The following TENM2 variants were observed in gnomAD, a reference collection of about 807,000 sequenced individuals.
The protein encoded by TENM2 is teneurin-2.
In TENM2, 52 loss-of-function variants were observed where a neutral mutation model predicts 245.2. The observed-to-expected ratio is 0.21, with a 90% confidence interval of 0.17 to 0.27. TENM2 has a LOEUF of 0.27. Among genes scored for constraint, TENM2 ranks in the 10% least tolerant of loss-of-function variants. The pLI, the probability that TENM2 is intolerant of heterozygous loss-of-function variation, is 1.00. For synonymous variants in TENM2, 1,363 were observed against 1,438.9 expected (o/e 0.95, Z 1.19); for missense variants, 3,046 against 3,666.8 (o/e 0.83, Z 4.37).
intron 2 of TENM2, among the ~76,000 whole-genome samples, chr5:167,667,905 G>A (rs958285196): frequency 6.6e-6 from 1 of 152,166 alleles, no homozygotes; most frequent in Non-Finnish European, 1.5e-5. Flanking sequence ...GATATGGCCA[G>A]CAGCCTCCTA....
intron 2 of TENM2, among the ~76,000 whole-genome samples, chr5:167,505,920 C>T (rs1182267314): frequency 2.0e-5 from 3 of 152,114 alleles, no homozygotes; most frequent in Admixed American, 6.6e-5. Context: ...GTGGTTCACA[C>T]CTGTAATCCA....
exon 14 of TENM2, chr5:168,190,431 C>G: frequency 1.2e-6 from 2 of 1,614,010 alleles, no homozygotes; most frequent in Non-Finnish European, 1.7e-6. Flanking sequence ...CACTGGACAT[C>G]ATTCAGCAGG....
At chr5:167,418,238 A>T (rs1763279890) in intron 2 of TENM2, among the ~76,000 whole-genome samples, 1 of 151,740 alleles carries the variant, frequency 6.6e-6, no homozygotes, top group African/African-American at 2.4e-5. Flanking sequence ...CTGAGGCGGG[A>T]GAATTGCTTG....
At chr5:167,243,530 T>C in the TENM2 span, among the ~76,000 whole-genome samples, 1 of 152,154 alleles carries the variant, frequency 6.6e-6, no homozygotes, top group African/African-American at 2.4e-5. Context: ...AGTGAGTTGG[T>C]GGGCTGCGTG....
chr5:167,287,373 A>T (rs1754350769), intron 1 of TENM2: 1 of 152,228 alleles, frequency 6.6e-6, no homozygotes, highest in Non-Finnish European at 1.5e-5. Context: ...AAAGAGCAGG[A>T]TCATCTCCGT....
At chr5:167,350,481 A>G (rs1758764245) in intron 1 of TENM2, among the ~76,000 whole-genome samples, 1 of 148,316 alleles carries the variant, frequency 6.7e-6, no homozygotes, top group South Asian at 2.1e-4. Flanking sequence ...ATATGTATAT[A>G]TCCTATCTAT....
intron 2 of TENM2, among the ~76,000 whole-genome samples, chr5:167,519,766 A>G (rs1417424734): frequency 2.0e-5 from 3 of 152,116 alleles, no homozygotes; most frequent in Admixed American, 2.0e-4. Context: ...ATGATTTTAG[A>G]CCTACAATTC....
At chr5:167,091,682 T>C in the TENM2 span, among the ~76,000 whole-genome samples, 6 of 152,186 alleles carry the variant, frequency 3.9e-5, no homozygotes, top group Non-Finnish European at 8.8e-5. Flanking sequence ...TGTAAATGAA[T>C]AAAAGACATT....
chr5:167,774,962 A>AT lies in TENM2; in HGVS notation c.503-101015dup, dbSNP rs755744379. ...GCACTGGGGCTTATTTGGGTGTGAGATTTTTTTTTATTTTTATTGTTTTTG... is the reference window on the plus strand; with the variant it reads ...GCACTGGGGCTTATTTGGGTGTGAGATTTTTTTTTTATTTTTATTGTTTTTG... On this transcript the variant is annotated intron_variant, in intron 2 of 28. Transcript: ENST00000518659. Among the ~76,000 whole-genome samples, 92 of 151,492 alleles carry AT rather than the reference A, an allele frequency of 6.1e-4. 2 individuals are homozygous for AT. Among genetic ancestry groups the AT allele is most frequent in the Middle Eastern group, 3.4e-3 (1 of 294 alleles).
intron 2 of TENM2, among the ~76,000 whole-genome samples, chr5:167,851,469 A>G (rs1430101304): frequency 1.3e-5 from 2 of 152,192 alleles, no homozygotes; most frequent in Non-Finnish European, 2.9e-5. Flanking sequence ...AAGGGGAGAA[A>G]GAGCTGTTAT....
chr5:168,232,509 A>C (rs1037891118), intron 25 of TENM2, among the ~76,000 whole-genome samples: 8 of 152,166 alleles, frequency 5.3e-5, no homozygotes, highest in African/African-American at 1.9e-4. Flanking sequence ...CCATGTAATC[A>C]CTGCTCCCCA....
At chr5:167,085,734 T>C in the TENM2 span, among the ~76,000 whole-genome samples, 44 of 152,336 alleles carry the variant, frequency 2.9e-4, 1 homozygote, top group South Asian at 7.7e-3. Context: ...AAGTGGCAGA[T>C]ATAGGATGCA....
At chr5:167,416,262 C>T (rs969224939) in intron 2 of TENM2, among the ~76,000 whole-genome samples, 1 of 152,046 alleles carries the variant, frequency 6.6e-6, no homozygotes, top group Non-Finnish European at 1.5e-5. Flanking sequence ...ATGATAGTGC[C>T]GTTACTTTAT....
chr5:168,118,325 A>G (rs757304923), exon 10 of TENM2: 1 of 1,606,544 alleles, frequency 6.2e-7, no homozygotes, highest in Non-Finnish European at 8.5e-7. Flanking sequence ...GGGAATGGAC[A>G]ATATTCTAAA....
intron 3 of TENM2, among the ~76,000 whole-genome samples, chr5:167,916,806 G>T (rs1022010615): frequency 6.6e-6 from 1 of 152,186 alleles, no homozygotes; most frequent in Non-Finnish European, 1.5e-5. Flanking sequence ...CCCTTGCCTT[G>T]GCAGCTCAGT....
intron 24 of TENM2, among the ~76,000 whole-genome samples, 165 bp from the exon 27 acceptor site, chr5:168,227,730 T>G (rs1013478020): frequency 1.3e-5 from 2 of 152,122 alleles, no homozygotes; most frequent in African/African-American, 4.8e-5. Flanking sequence ...TCTCTGCTAC[T>G]TACCTTCACA....
At chr5:167,034,312 G>C in the TENM2 span, among the ~76,000 whole-genome samples, 1 of 152,126 alleles carries the variant, frequency 6.6e-6, no homozygotes, top group Non-Finnish European at 1.5e-5. Flanking sequence ...ACAAAAGATA[G>C]CTAAGAGAAA....
intron 2 of TENM2, among the ~76,000 whole-genome samples, chr5:167,690,945 G>T (rs886674706): frequency 1.4e-5 from 2 of 139,100 alleles, no homozygotes; most frequent in Non-Finnish European, 3.2e-5. Context: ...GTGTGTGTGT[G>T]TGTGTGTGTG....
chr5:168,126,722 G>T, intron 11 of TENM2, 32 bp from the exon 14 acceptor site: 1 of 1,564,732 alleles, frequency 6.4e-7, no homozygotes. Context: ...ACCAGCTGTG[G>T]TGTTGAGCTG....
Sources: gnomAD v4.1 joint callset for allele counts (sites outside exome capture counted in the v4.1 genomes callset) on GRCh38, gnomAD v4.1.1 for gene constraint, MANE v1.5 for transcripts, NCBI Gene and HGNC (gene_info 2026-07-23, HGNC 2026-07-21) for gene names.